MEP1A: variants seen among roughly 807,000 people sequenced by gnomAD.
MEP1A encodes N-benzoyl-L-tyrosyl-P-amino-benzoic acid hydrolase subunit alpha.
Under a neutral mutation model 84.5 loss-of-function variants are expected in MEP1A, and 68 were observed. The observed-to-expected ratio is 0.80, with a 90% CI of 0.66 to 0.98. MEP1A has a LOEUF of 0.98. Among genes scored for constraint, MEP1A ranks in the 50% least tolerant of loss-of-function variants. The probability of loss-of-function intolerance (pLI) is 0.00; values close to 1 mark genes in which losing one functional copy is unlikely to be tolerated. For synonymous variants in MEP1A, 337 were observed against 336.8 expected (o/e 1.00, Z -0.01); for missense variants, 887 against 919.9 (o/e 0.96, Z 0.46).
At chr6:46,826,300 A>G in intron 8 of MEP1A, 54 bp from the exon 9 acceptor site, 4 of 1,504,580 alleles carry the variant, frequency 2.7e-6, no homozygotes, top group Non-Finnish European at 3.6e-6. Context: ...GACATTAGCT[A>G]TTTGGAATGA....
At position 46,839,243 on chromosome 6, in the gene MEP1A, C is replaced by T; in HGVS notation, c.*107C>T. The T allele has an allele frequency of 2.6e-6, 2 of 770,908 alleles. No homozygotes were observed. The highest frequency in any genetic ancestry group is 4.1e-6 in the Non-Finnish European group (2 of 490,802). 47.8% of individuals were successfully genotyped at this position (770,908 alleles called of 1,614,324 possible). On this transcript the variant is annotated 3_prime_UTR_variant, in exon 14 of 14. Transcript: ENST00000230588. ...TCAGCCTTGCTTTGGATAGGACCTC[C>T]AAGGACTAAGGCCTCCAGCCCCATG...
chr6:46,793,409 T>G lies in MEP1A; in HGVS notation c.11T>G (p.Ile4Ser), dbSNP rs143766346. Residue 4 changes from isoleucine (I) to serine (S), a missense_variant, in exon 1 of 14, where the codon ATT becomes AGT. Coordinates refer to ENST00000230588, the MANE Select transcript of MEP1A (RefSeq NM_005588.3). The part of the protein sequence containing the change: MAW[I>S]RSTCILFFTL... ...AGCTCACTTGCAGCAATGGCTTGGATTAGATCCACTTGCATTCTCTTTTTT... is the reference window on the plus strand; with the variant it reads ...AGCTCACTTGCAGCAATGGCTTGGAGTAGATCCACTTGCATTCTCTTTTTT... The G allele has an allele frequency of 1.9e-5, 30 of 1,594,304 alleles. No individual in the cohort carries two copies. In the African/African-American group the frequency reaches 3.8e-4, roughly 20 times the overall value.
chr6:46,816,364 A>T (rs149102376), intron 6 of MEP1A, among the ~76,000 whole-genome samples: 4 of 152,278 alleles, frequency 2.6e-5, no homozygotes, highest in Non-Finnish European at 4.4e-5. Context: ...CAGCAGGCTT[A>T]CAGTTACCAG....
chr6:46,794,153 C>T (rs928691630), intron 3 of MEP1A, among the ~76,000 whole-genome samples: 1 of 152,252 alleles, frequency 6.6e-6, no homozygotes, highest in South Asian at 2.1e-4. Context: ...GAGTGTAAAG[C>T]AATCTCCACT....
rs369724739 is a variant in MEP1A, at chr6:46,819,644, G to C, written c.496G>C (p.Glu166Gln). ...EILHALGFYHEQSRTDRDDYV... is the reference protein window; with the variant it reads ...EILHALGFYHQQSRTDRDDYV... ...CCTGCATGCTTTGGGATTTTACCAC[G>C]AGCAGTCAAGGACGGACCGGGATGA... Residue 166 changes from glutamate to glutamine, a missense_variant, in exon 7 of 14, where the codon GAG becomes CAG. Coordinates refer to ENST00000230588, the MANE Select transcript of MEP1A (RefSeq NM_005588.3). 1.2e-6 allele frequency: 2 copies of C among 1,613,974 alleles called. No individual in the cohort carries two copies. Among genetic ancestry groups the C allele is most frequent in the Non-Finnish European group, 8.5e-7 (1 of 1,179,998 alleles).
rs71536390 is a variant in MEP1A, at chr6:46,836,793, A to ATT, written c.2084+1259_2084+1260dup. Among the ~76,000 whole-genome samples the ATT allele has an allele frequency of 5.9e-3, 842 of 142,098 alleles. 4 individuals are homozygous for ATT. Among genetic ancestry groups the ATT allele is most frequent in the Admixed American group, 7.9e-3 (113 of 14,320 alleles). The allele number at this position is 142,098 out of a possible 152,430, so 93.2% of individuals were successfully genotyped here. A position where few individuals can be genotyped will look rare whatever the true frequency, so the allele number is the denominator to read the frequency against. On this transcript the variant is annotated intron_variant, in intron 13 of 13. Transcript: ENST00000230588. ...CACTTTCGAAGATTACTGGTCAGGG[A>ATT]TTTTTTTTTTTTTTTTGGTTCATCT...
chr6:46,836,349 T>C (rs1401789237), intron 13 of MEP1A, among the ~76,000 whole-genome samples: 5 of 152,236 alleles, frequency 3.3e-5, no homozygotes, highest in East Asian at 1.9e-4. Flanking sequence ...ATTTGAACAG[T>C]AGCAGATGTA....
intron 9 of MEP1A, among the ~76,000 whole-genome samples, chr6:46,826,910 C>T (rs1485487832): frequency 1.3e-5 from 2 of 152,184 alleles, no homozygotes; most frequent in African/African-American, 4.8e-5. Context: ...AAAAGAAAAC[C>T]GTGAAATTAA....
At chr6:46,814,620 C>T (rs951231346) in intron 6 of MEP1A, among the ~76,000 whole-genome samples, 2 of 152,096 alleles carry the variant, frequency 1.3e-5, no homozygotes, top group Non-Finnish European at 2.9e-5. Flanking sequence ...GTTAAAGAAT[C>T]TTGTTTTGAC....
intron 5 of MEP1A, among the ~76,000 whole-genome samples, chr6:46,802,162 A>G (rs1767209704): frequency 1.3e-5 from 2 of 151,928 alleles, no homozygotes; most frequent in South Asian, 2.1e-4. Context: ...CTGTACATAA[A>G]TTTGTAGAAA....
downstream of MEP1A, among the ~76,000 whole-genome samples, chr6:46,842,927 C>G (rs1482513841): frequency 6.6e-6 from 1 of 152,152 alleles, no homozygotes; most frequent in African/African-American, 2.4e-5. Context: ...TCTAGTTCCC[C>G]TGATAAACCA....
rs1059276 is a variant in MEP1A at position 46,839,303 on chromosome 6, C to G, written c.*167C>G. 6 of 541,868 alleles carry G rather than the reference C, an allele frequency of 1.1e-5. No individual in the cohort carries two copies. Among genetic ancestry groups the G allele is most frequent in the Non-Finnish European group, 1.9e-5 (6 of 310,896 alleles). 33.6% of individuals were successfully genotyped at this position (541,868 alleles called of 1,614,324 possible). On this transcript the variant is annotated 3_prime_UTR_variant, in exon 14 of 14. Coordinates refer to ENST00000230588, the MANE Select transcript of MEP1A (RefSeq NM_005588.3). ...TGTCATCTCTCTGCCCCACATAATT[C>G]TGTTACTTTGCTATGTGCTCCTAAT...
At chr6:46,807,800 A>AAAGAAAGG in intron 5 of MEP1A, among the ~76,000 whole-genome samples, 3 of 147,260 alleles carry the variant, frequency 2.0e-5, no homozygotes, top group African/African-American at 7.4e-5. Flanking sequence ...AGAAAGAAAG[A>AAAGAAAGG]AAGAAAGAAA....
At chr6:46,821,545 G>T (rs1441177244) in intron 7 of MEP1A, among the ~76,000 whole-genome samples, 1 of 152,172 alleles carries the variant, frequency 6.6e-6, no homozygotes, top group Admixed American at 6.5e-5. Context: ...CTACTCAGGG[G>T]ACTATTAGAC....
intron 5 of MEP1A, among the ~76,000 whole-genome samples, chr6:46,805,516 C>T (rs187669451): frequency 3.9e-3 from 597 of 151,792 alleles, no homozygotes; most frequent in Non-Finnish European, 7.1e-3. Flanking sequence ...GTATTGAGTT[C>T]TAAGTGTTCT....
intron 3 of MEP1A, among the ~76,000 whole-genome samples, chr6:46,797,834 C>CTTTCTTTCTT (rs1345531724): frequency 9.4e-4 from 137 of 145,398 alleles, no homozygotes; most frequent in African/African-American, 3.2e-3. Flanking sequence ...TTCTTTCTTT[C>CTTTCTTTCTT]TTTCTCTCTC....
At chr6:46,819,256 G>A (rs1414337680) in intron 6 of MEP1A, among the ~76,000 whole-genome samples, 2 of 152,162 alleles carry the variant, frequency 1.3e-5, no homozygotes, top group Admixed American at 1.3e-4. Flanking sequence ...CTACCTTGAC[G>A]AATTGTTATA....
chr6:46,824,843 T>TGATATATTTAATTAGATGTATTTAAA (rs1562113568), intron 7 of MEP1A, among the ~76,000 whole-genome samples: 1 of 72,970 alleles, frequency 1.4e-5, no homozygotes, highest in African/African-American at 7.3e-5. Flanking sequence ...TATATATAAA[T>TGATATATTTAATTAGATGTATTTAAA]TATATATATA....
At chr6:46,835,154 A>G in intron 12 of MEP1A, 95 bp from the exon 13 acceptor site, 1 of 1,125,440 alleles carries the variant, frequency 8.9e-7, no homozygotes, top group Non-Finnish European at 1.3e-6. Flanking sequence ...GTGATGGGAG[A>G]TAGAAGCAGG....
Sources: allele counts gnomAD v4.1 joint callset (sites outside exome capture counted in the v4.1 genomes callset), GRCh38; gene constraint gnomAD v4.1.1; transcripts MANE v1.5; gene names NCBI Gene and HGNC (gene_info 2026-07-23, HGNC 2026-07-21).